The following NKAIN2 variants were observed in gnomAD, a reference collection of about 807,000 sequenced individuals.
NKAIN2 encodes the protein sodium/potassium-transporting ATPase subunit beta-1-interacting protein 2.
A neutral mutation model predicts 32.6 loss-of-function variants in NKAIN2; 14 were observed. The ratio of observed to expected loss-of-function variants is 0.43; its 90% CI spans 0.28 to 0.67. The LOEUF (loss-of-function observed/expected upper bound fraction) is 0.67, where lower values mean the gene tolerates loss of function less well. NKAIN2 is among the 30% of genes least tolerant of loss of function. The pLI is 0.17. For synonymous variants in NKAIN2, 80 were observed against 87.2 expected, an observed-to-expected ratio of 0.92 and a Z score of 0.46; for missense variants, 198 against 258.3, an observed-to-expected ratio of 0.77 and a Z score of 1.60.
chr6:124,397,527 G>GTTTT (rs71776352), intron 3 of NKAIN2, among the ~76,000 whole-genome samples: 2,594 of 145,000 alleles, frequency 0.018, 50 homozygotes, highest in Middle Eastern at 0.025. Flanking sequence ...GTCACAGAGA[G>GTTTT]TTTTTTTTTT....
intron 1 of NKAIN2, among the ~76,000 whole-genome samples, chr6:123,999,939 C>T (rs989472411): frequency 1.3e-5 from 2 of 151,164 alleles, no homozygotes; most frequent in African/African-American, 4.9e-5. Context: ...ACATCAGTGT[C>T]TCATATATTC....
intron 4 of NKAIN2, among the ~76,000 whole-genome samples, chr6:124,731,242 C>G (rs1776650542): frequency 7.3e-6 from 1 of 137,204 alleles, no homozygotes; most frequent in African/African-American, 2.7e-5. Context: ...AATCATGCTG[C>G]TATAAAGACA....
At chr6:124,142,592 T>G (rs1189953368) in intron 1 of NKAIN2, among the ~76,000 whole-genome samples, 1 of 152,206 alleles carries the variant, frequency 6.6e-6, no homozygotes, top group African/African-American at 2.4e-5. Flanking sequence ...CAAAATATTA[T>G]GGTGCCACAG....
chr6:124,752,950 C>T (rs2114715230), intron 4 of NKAIN2, among the ~76,000 whole-genome samples: 1 of 152,198 alleles, frequency 6.6e-6, no homozygotes, highest in East Asian at 1.9e-4. Context: ...TTATTCTTCC[C>T]TCTCTTTCTT....
At chr6:124,229,513 T>TAGATAGATAGATAGAG (rs1253490318) in intron 1 of NKAIN2, among the ~76,000 whole-genome samples, 9 of 148,090 alleles carry the variant, frequency 6.1e-5, no homozygotes, top group African/African-American at 2.3e-4. Context: ...GATAGATAGA[T>TAGATAGATAGATAGAG]AGATAGATAG....
At chr6:124,482,264 T>C (rs1487418812) in intron 3 of NKAIN2, among the ~76,000 whole-genome samples, 2 of 152,198 alleles carry the variant, frequency 1.3e-5, no homozygotes, top group African/African-American at 4.8e-5. Flanking sequence ...CTGATTGTGG[T>C]TGGCACCTTA....
chr6:124,250,001 C>A (rs1793622538), intron 1 of NKAIN2, among the ~76,000 whole-genome samples: 1 of 152,064 alleles, frequency 6.6e-6, no homozygotes, highest in Admixed American at 6.6e-5. Flanking sequence ...ATGTGTTGAA[C>A]CCAATCTCCA....
intron 1 of NKAIN2, among the ~76,000 whole-genome samples, chr6:124,194,996 CTT>C (rs11312469): frequency 0.043 from 6,131 of 143,594 alleles, 382 homozygotes; most frequent in African/African-American, 0.14. Flanking sequence ...ATATTATTGG[CTT>C]TTTTTTTTTT....
At chr6:123,909,354 T>A (rs1775049017) in intron 1 of NKAIN2, among the ~76,000 whole-genome samples, 1 of 152,190 alleles carries the variant, frequency 6.6e-6, no homozygotes, top group Non-Finnish European at 1.5e-5. Flanking sequence ...CACGTCTTGC[T>A]GCACCCACCT....
intron 3 of NKAIN2, among the ~76,000 whole-genome samples, chr6:124,501,438 G>C (rs1284579586): frequency 6.6e-6 from 1 of 151,988 alleles, no homozygotes; most frequent in East Asian, 1.9e-4. Context: ...TAATGGAAGG[G>C]AAAGAAAGAA....
At position 124,585,094 on chromosome 6, in the gene NKAIN2, G is replaced by T. The variant is rs959138248; in HGVS notation, c.274-73092G>T. 2.0e-5 allele frequency among the ~76,000 whole-genome samples: 3 copies of T among 152,250 alleles called. No individual in the cohort carries two copies. The East Asian group carries it at 5.8e-4, about 29-fold the overall frequency. On this transcript the variant is annotated intron_variant, in intron 3 of 6. Transcript: ENST00000368417. ...AGCAGACAAATGGGTAAAGAAAAGTGGTATTTATACACGATGGAGTACTGT... is the reference window on the plus strand; with the variant it reads ...AGCAGACAAATGGGTAAAGAAAAGTTGTATTTATACACGATGGAGTACTGT...
In NKAIN2 at chr6:124,764,116, CT is replaced by C. The variant is rs1229890599; in HGVS notation, c.475-27217del. 5.3e-5 allele frequency among the ~76,000 whole-genome samples: 8 copies of C among 152,214 alleles called. No individual in the cohort carries two copies. The East Asian group carries it at 1.2e-3, about 22-fold the overall frequency. On this transcript the variant is annotated intron_variant, in intron 4 of 6. Transcript: ENST00000368417. ...ATTCTGAGGAGTGGAAGAAACTAGT[CT>C]TTTTTAATTTGTAGGTTCTTAACAT...
chr6:124,348,156 C>T (rs913721769), intron 2 of NKAIN2, among the ~76,000 whole-genome samples: 4 of 152,264 alleles, frequency 2.6e-5, no homozygotes, highest in South Asian at 2.1e-4. Flanking sequence ...CGTGGATTTT[C>T]GTGATCCGCG....
At chr6:124,172,218 TA>T (rs1175952069) in intron 1 of NKAIN2, among the ~76,000 whole-genome samples, 3 of 152,200 alleles carry the variant, frequency 2.0e-5, no homozygotes, top group Non-Finnish European at 4.4e-5. Context: ...TGCATGTTTT[TA>T]AAAAACTCTT....
At chr6:124,153,647 T>C (rs932871244) in intron 1 of NKAIN2, among the ~76,000 whole-genome samples, 2 of 151,772 alleles carry the variant, frequency 1.3e-5, no homozygotes, top group South Asian at 2.1e-4. Flanking sequence ...TATTTTTCTT[T>C]AATTTCTCAA....
intron 4 of NKAIN2, among the ~76,000 whole-genome samples, chr6:124,660,815 G>A (rs1414318954): frequency 6.6e-6 from 1 of 152,170 alleles, no homozygotes. Context: ...GAATGTGTCT[G>A]CTATACAGAA....
chr6:124,417,615 T>C (rs1295967615), intron 3 of NKAIN2, among the ~76,000 whole-genome samples: 3 of 152,192 alleles, frequency 2.0e-5, no homozygotes, highest in Non-Finnish European at 4.4e-5. Flanking sequence ...AATACCATAA[T>C]TGAGATTAAA....
At chr6:124,293,712 T>C (rs1168921824) in intron 2 of NKAIN2, among the ~76,000 whole-genome samples, 2 of 152,222 alleles carry the variant, frequency 1.3e-5, no homozygotes, top group Admixed American at 6.6e-5. Flanking sequence ...TCAAATTCTA[T>C]TGCTCTTTTT....
chr6:124,480,946 G>C (rs146258556), intron 3 of NKAIN2, among the ~76,000 whole-genome samples: 325 of 152,110 alleles, frequency 2.1e-3, no homozygotes, highest in Middle Eastern at 0.01. Context: ...ACCCAAAAAT[G>C]AATTCACAGA....
Sources: allele counts gnomAD v4.1 joint callset (sites outside exome capture counted in the v4.1 genomes callset), GRCh38; gene constraint gnomAD v4.1.1; transcripts MANE v1.5; gene names NCBI Gene and HGNC (gene_info 2026-07-23, HGNC 2026-07-21).